The following CNTN4 variants were observed in gnomAD, a reference collection of about 807,000 sequenced individuals.
CNTN4 encodes contactin-4.
Under a neutral mutation model 122.5 loss-of-function variants are expected in CNTN4, and 77 were observed. That is an observed-to-expected ratio of 0.63 (90% CI 0.52 to 0.76). The LOEUF (loss-of-function observed/expected upper bound fraction) is 0.76. Ranked by LOEUF, CNTN4 falls within the 30% of genes least tolerant of loss-of-function variation. The probability of loss-of-function intolerance (pLI) is 0.00; values close to 1 mark genes in which losing one functional copy is unlikely to be tolerated. For synonymous variants in CNTN4, 512 were observed against 447.0 expected (o/e 1.15, Z -1.83); for missense variants, 1,256 against 1,259.1 (o/e 1.00, Z 0.04).
intron 6 of CNTN4, among the ~76,000 whole-genome samples, chr3:2,782,465 C>CTCTGTGTGTG (rs1553638510): frequency 7.5e-6 from 1 of 133,212 alleles, no homozygotes; most frequent in Non-Finnish European, 1.6e-5. Flanking sequence ...CCTTCTTATT[C>CTCTGTGTGTG]TGTGTGTGTG....
At chr3:2,432,708 C>G (rs1327817085) in intron 3 of CNTN4, among the ~76,000 whole-genome samples, 2 of 151,728 alleles carry the variant, frequency 1.3e-5, no homozygotes, top group Non-Finnish European at 2.9e-5. Context: ...TTTTCTTTAT[C>G]CATTTATGTG....
At chr3:2,989,777 G>C (rs563940556) in intron 14 of CNTN4, among the ~76,000 whole-genome samples, 1 of 152,312 alleles carries the variant, frequency 6.6e-6, no homozygotes, top group Non-Finnish European at 1.5e-5. Context: ...TATTTGTAAA[G>C]TGCAGTTCTA....
intron 14 of CNTN4, among the ~76,000 whole-genome samples, chr3:3,010,443 T>G (rs1300305139): frequency 3.4e-5 from 5 of 145,028 alleles, no homozygotes; most frequent in Non-Finnish European, 7.5e-5. Context: ...CCATTCTCTC[T>G]GTCTTTATAG....
At chr3:2,730,933 G>A (rs1235810012) in intron 4 of CNTN4, among the ~76,000 whole-genome samples, 1 of 151,890 alleles carries the variant, frequency 6.6e-6, no homozygotes, top group Non-Finnish European at 1.5e-5. Context: ...AAAAAATAGA[G>A]ATCATTGATG....
intron 4 of CNTN4, among the ~76,000 whole-genome samples, chr3:2,623,886 C>T (rs1465716792): frequency 6.6e-6 from 1 of 152,004 alleles, no homozygotes; most frequent in East Asian, 1.9e-4. Context: ...AGGCCTCACA[C>T]ATAGAAAAAA....
In CNTN4 at chr3:2,909,029, G is replaced by A. The variant is rs1344332294; in HGVS notation, c.1207+6024G>A. 2.0e-5 allele frequency among the ~76,000 whole-genome samples: 3 copies of A among 152,254 alleles called. No individual in the cohort carries two copies. In the East Asian group the frequency reaches 5.8e-4, roughly 29 times the overall value. The stretch of plus-strand genomic sequence containing the variant: ...AATTTGGCATCTACCCAGGTGATTG[G>A]CTCCCAAATTAGAAAAACATTAAGG... On this transcript the variant is annotated intron_variant, in intron 12 of 24. Transcript: ENST00000418658.
chr3:2,824,500 C>T (rs17029776), intron 7 of CNTN4, among the ~76,000 whole-genome samples: 44,271 of 151,734 alleles, frequency 0.29, 7,101 homozygotes, highest in African/African-American at 0.42. Context: ...GTAGCTGACT[C>T]GCTCACTCTG....
intron 3 of CNTN4, among the ~76,000 whole-genome samples, chr3:2,559,930 C>T (rs1166760515): frequency 1.3e-5 from 2 of 152,108 alleles, no homozygotes; most frequent in African/African-American, 4.8e-5. Context: ...CTTGCTGGTA[C>T]AGTGTCTGAC....
chr3:2,596,175 A>G (rs557630185), intron 4 of CNTN4, among the ~76,000 whole-genome samples: 70 of 152,320 alleles, frequency 4.6e-4, no homozygotes, highest in African/African-American at 1.5e-3. Context: ...TGTAGATAGG[A>G]TGAAATGTTA....
At chr3:2,156,422 T>C (rs17008493) in intron 2 of CNTN4, among the ~76,000 whole-genome samples, 11 of 152,102 alleles carry the variant, frequency 7.2e-5, no homozygotes, top group Admixed American at 3.9e-4. Context: ...CTCAGCAGCG[T>C]CCTCAAGCAG....
At chr3:2,343,919 T>A (rs1007221848) in intron 3 of CNTN4, among the ~76,000 whole-genome samples, 4 of 152,044 alleles carry the variant, frequency 2.6e-5, no homozygotes, top group Non-Finnish European at 5.9e-5. Flanking sequence ...AACTTACAAT[T>A]ATGACAGAGG....
chr3:2,592,879 A>C (rs1044552106), intron 4 of CNTN4, among the ~76,000 whole-genome samples: 2 of 152,240 alleles, frequency 1.3e-5, no homozygotes, highest in African/African-American at 4.8e-5. Context: ...GTTAGGAAAT[A>C]GTTTTGGTAT....
intron 13 of CNTN4, among the ~76,000 whole-genome samples, chr3:2,956,364 T>C (rs1178773585): frequency 6.6e-6 from 1 of 152,098 alleles, no homozygotes; most frequent in Non-Finnish European, 1.5e-5. Context: ...TGGATGGTGG[T>C]GACAGTTGCA....
intron 3 of CNTN4, among the ~76,000 whole-genome samples, chr3:2,501,545 A>G (rs2076594263): frequency 6.6e-6 from 1 of 152,122 alleles, no homozygotes; most frequent in South Asian, 2.1e-4. Context: ...CCTGCATTCC[A>G]CAGCTTGTGG....
At chr3:2,613,986 G>C (rs1466710975) in intron 4 of CNTN4, among the ~76,000 whole-genome samples, 1 of 152,120 alleles carries the variant, frequency 6.6e-6, no homozygotes, top group Non-Finnish European at 1.5e-5. Flanking sequence ...TAATGAATGA[G>C]ATAGATAAAG....
intron 6 of CNTN4, among the ~76,000 whole-genome samples, chr3:2,804,527 CTT>C (rs2092419557): frequency 6.6e-6 from 1 of 152,256 alleles, no homozygotes; most frequent in South Asian, 2.1e-4. Context: ...GTGAAAAACA[CTT>C]AGGATAATGC....
chr3:2,385,767 C>T lies in CNTN4; in HGVS notation c.-89+46534C>T, dbSNP rs2046230067. On this transcript the variant is annotated intron_variant, in intron 3 of 24. Transcript: ENST00000418658. The surrounding 1 kb of genome is among the most constrained non-coding windows in gnomAD (Gnocchi z 4.0). ...TAAGTCTTATTGGATATGACCTATC[C>T]TAATGAACTCATCTTAACTTGGTTA... Among the ~76,000 whole-genome samples the T allele has an allele frequency of 1.3e-5, 2 of 152,126 alleles. No individual in the cohort carries two copies. Among genetic ancestry groups the T allele is most frequent in the South Asian group, 2.1e-4 (1 of 4,814 alleles).
intron 23 of CNTN4, among the ~76,000 whole-genome samples, chr3:3,044,246 A>T (rs1700419394): frequency 6.6e-6 from 1 of 152,218 alleles, no homozygotes; most frequent in South Asian, 2.1e-4. Context: ...TCTTGCAGCA[A>T]TCAAAAAGGG....
At chr3:2,248,267 ATTCAAGC>A (rs2149663525) in intron 2 of CNTN4, among the ~76,000 whole-genome samples, 1 of 152,138 alleles carries the variant, frequency 6.6e-6, no homozygotes, top group East Asian at 1.9e-4. Context: ...CCAGAATCAA[ATTCAAGC>A]TTTTCAGTTT....
Sources: gnomAD v4.1 joint callset for allele counts (sites outside exome capture counted in the v4.1 genomes callset) on GRCh38, gnomAD v4.1.1 for gene constraint, Gnocchi (gnomAD v3.1) non-coding constraint, MANE v1.5 for transcripts, NCBI Gene and HGNC (gene_info 2026-07-23, HGNC 2026-07-21) for gene names.